Variants in KANSL1L observed in about 807,000 individuals in gnomAD.
The protein encoded by KANSL1L is KAT8 regulatory NSL complex subunit 1 like, also known as KAT8 regulatory NSL complex subunit 1-like protein.
KANSL1L carries 25 observed loss-of-function variants against 108.6 expected under a neutral mutation model. The ratio of observed to expected loss-of-function variants is 0.23; its 90% confidence interval spans 0.17 to 0.32. KANSL1L has a LOEUF of 0.32. KANSL1L is among the 10% of genes least tolerant of loss of function. The pLI is 1.00. For synonymous variants in KANSL1L, 405 were observed against 395.1 expected (o/e 1.03, Z -0.30); for missense variants, 1,137 against 1,125.7 (o/e 1.01, Z -0.14).
intron 2 of KANSL1L, among the ~76,000 whole-genome samples, chr2:210,132,699 C>T (rs2095133023): frequency 6.6e-6 from 1 of 152,134 alleles, no homozygotes. Context: ...TGAATTTTTA[C>T]TGTTTGCTAG....
intron 6 of KANSL1L, among the ~76,000 whole-genome samples, chr2:210,055,866 C>T (rs2094344518): frequency 6.6e-6 from 1 of 152,220 alleles, no homozygotes; most frequent in Non-Finnish European, 1.5e-5. Context: ...AAGAAAAACC[C>T]ATTTACCAGA....
At chr2:210,139,638 T>A (rs182490533) in intron 2 of KANSL1L, among the ~76,000 whole-genome samples, 6 of 152,328 alleles carry the variant, frequency 3.9e-5, no homozygotes, top group Non-Finnish European at 8.8e-5. Flanking sequence ...AATTGGTATT[T>A]CCCTGATGAT....
chr2:210,168,270 T>C (rs1688105575), intron 1 of KANSL1L, among the ~76,000 whole-genome samples: 1 of 152,212 alleles, frequency 6.6e-6, no homozygotes, highest in African/African-American at 2.4e-5. Context: ...CATAATTCTA[T>C]ACCTGAAGAA....
At chr2:210,036,064 G>A (rs769276857) in intron 8 of KANSL1L, among the ~76,000 whole-genome samples, 1 of 152,238 alleles carries the variant, frequency 6.6e-6, no homozygotes, top group Non-Finnish European at 1.5e-5. Context: ...TTAAGTAGTC[G>A]AAGCTGCACT....
At chr2:210,165,442 TAGAA>T (rs1687888722) in intron 1 of KANSL1L, among the ~76,000 whole-genome samples, 1 of 152,056 alleles carries the variant, frequency 6.6e-6, no homozygotes, top group African/African-American at 2.4e-5. Flanking sequence ...TTTTTAAAAC[TAGAA>T]AGAATCAATT....
intron 2 of KANSL1L, among the ~76,000 whole-genome samples, chr2:210,132,904 T>C (rs1423525772): frequency 6.6e-6 from 1 of 152,192 alleles, no homozygotes; most frequent in Non-Finnish European, 1.5e-5. Context: ...TGAGTTTCAA[T>C]GAAATTAATC....
chr2:210,153,647 G>A lies in KANSL1L; in HGVS notation c.936C>T (p.Gly312=). The change falls in exon 2 of 15, where the codon GGC becomes GGT. Residue 312 remains glycine (G), a synonymous_variant. Coordinates refer to ENST00000281772, the MANE Select transcript of KANSL1L (RefSeq NM_152519.4). ...ENKLWDDAKN[G]FARCTAAEIQ... ...TTTCCGCAGCTGTACACCGTGCAAA[G>A]CCATTTTTTGCATCATCCCACAATT... is the stretch of plus-strand genomic sequence containing the variant. 6.2e-7 allele frequency: 1 copy of A among 1,610,926 alleles called. No homozygotes were observed. Among genetic ancestry groups the A allele is most frequent in the Non-Finnish European group, 8.5e-7 (1 of 1,178,852 alleles).
At chr2:210,101,544 T>C (rs1281816990) in intron 4 of KANSL1L, among the ~76,000 whole-genome samples, 1 of 151,990 alleles carries the variant, frequency 6.6e-6, no homozygotes, top group Non-Finnish European at 1.5e-5. Flanking sequence ...CTCTAGAATG[T>C]GAAACAACTA....
chr2:210,094,810 A>G (rs1021689166), intron 5 of KANSL1L, among the ~76,000 whole-genome samples: 1 of 151,866 alleles, frequency 6.6e-6, no homozygotes, highest in African/African-American at 2.4e-5. Flanking sequence ...TTATAAACAT[A>G]TTTATAGTTA....
intron 2 of KANSL1L, among the ~76,000 whole-genome samples, chr2:210,135,765 GT>G (rs904619508): frequency 1.1e-4 from 17 of 152,064 alleles, no homozygotes; most frequent in African/African-American, 4.1e-4. Flanking sequence ...ACTTCTCCTT[GT>G]TATAAAAGCT....
chr2:210,088,102 A>C (rs776514751), intron 5 of KANSL1L: 6 of 152,156 alleles, frequency 3.9e-5, no homozygotes, highest in Non-Finnish European at 8.8e-5. Context: ...GGTACTAGTT[A>C]ATTATTCAGT....
intron 4 of KANSL1L, among the ~76,000 whole-genome samples, chr2:210,103,514 C>T (rs903919000): frequency 1.2e-4 from 19 of 152,184 alleles, no homozygotes; most frequent in African/African-American, 4.1e-4. Context: ...TTAAGAGCCA[C>T]TAAAGTCTAA....
intron 12 of KANSL1L, among the ~76,000 whole-genome samples, chr2:210,026,917 C>T (rs566684925): frequency 6.6e-6 from 1 of 152,150 alleles, no homozygotes; most frequent in South Asian, 2.1e-4. Flanking sequence ...ACTACAGGTG[C>T]CCACCACCAC....
chr2:210,105,592 T>C (rs1049868451), intron 3 of KANSL1L, among the ~76,000 whole-genome samples: 12 of 151,814 alleles, frequency 7.9e-5, no homozygotes, highest in East Asian at 1.9e-4. Context: ...AAATTGCCTA[T>C]AGATAATAAT....
chr2:210,072,294 T>A (rs530562714), intron 6 of KANSL1L, among the ~76,000 whole-genome samples: 2 of 152,362 alleles, frequency 1.3e-5, no homozygotes, highest in African/African-American at 4.8e-5. Context: ...TGATATTTAC[T>A]CATGATTAAA....
chr2:210,116,047 G>A (rs1227958990), intron 3 of KANSL1L, among the ~76,000 whole-genome samples: 2 of 152,208 alleles, frequency 1.3e-5, no homozygotes, highest in African/African-American at 4.8e-5. Context: ...TGGTCCAGAG[G>A]GGAGCCCACT....
chr2:210,052,268 G>T (rs1226290316), intron 6 of KANSL1L, among the ~76,000 whole-genome samples: 1 of 152,018 alleles, frequency 6.6e-6, no homozygotes. Context: ...CTCCCAAAGT[G>T]CTGGGGTTAC....
At chr2:210,165,292 T>TA (rs1687874564) in intron 1 of KANSL1L, among the ~76,000 whole-genome samples, 1 of 152,078 alleles carries the variant, frequency 6.6e-6, no homozygotes, top group Non-Finnish European at 1.5e-5. Flanking sequence ...CTGTTACAGA[T>TA]AGTCTATCAA....
intron 1 of KANSL1L, among the ~76,000 whole-genome samples, chr2:210,169,177 C>T (rs373220142): frequency 2.6e-5 from 4 of 151,980 alleles, no homozygotes; most frequent in African/African-American, 9.7e-5. Context: ...ACAACAAAAA[C>T]AGACTCTTTG....
Sources: gnomAD v4.1 joint callset for allele counts (sites outside exome capture counted in the v4.1 genomes callset) on GRCh38, gnomAD v4.1.1 for gene constraint, MANE v1.5 for transcripts, NCBI Gene and HGNC (gene_info 2026-07-23, HGNC 2026-07-21) for gene names.